The following TCEANC2 variants were observed in gnomAD, a reference collection of about 807,000 sequenced individuals.
TCEANC2 encodes the protein transcription elongation factor A N-terminal and central domain-containing protein 2.
A neutral mutation model predicts 22.8 loss-of-function variants in TCEANC2; 20 were observed. The ratio of observed to expected loss-of-function variants is 0.88; its 90% CI spans 0.62 to 1.28. The LOEUF is 1.28. Among genes scored for constraint, TCEANC2 ranks in the 50% most tolerant of loss-of-function variants. TCEANC2 has a pLI of 0.00. For synonymous variants in TCEANC2, 84 were observed against 95.5 expected (o/e 0.88, Z 0.70); for missense variants, 251 against 249.7 (o/e 1.01, Z -0.03).
At chr1:54,089,473 GGAA>G (rs1658401639) in intron 4 of TCEANC2, among the ~76,000 whole-genome samples, 1 of 152,102 alleles carries the variant, frequency 6.6e-6, no homozygotes, top group Admixed American at 6.5e-5. Flanking sequence ...TATACATGCT[GGAA>G]GAAGGATTTT....
At chr1:54,068,094 A>G (rs1657990901) in intron 2 of TCEANC2, among the ~76,000 whole-genome samples, 1 of 152,238 alleles carries the variant, frequency 6.6e-6, no homozygotes. Flanking sequence ...TACTTAATGG[A>G]AAGATGCATA....
chr1:54,064,234 C>G (rs1274488101), intron 2 of TCEANC2, among the ~76,000 whole-genome samples: 1 of 152,186 alleles, frequency 6.6e-6, no homozygotes, highest in African/African-American at 2.4e-5. Flanking sequence ...AAAACAATCT[C>G]AAAGAGACCT....
At position 54,088,635 on chromosome 1, in the gene TCEANC2, GA is replaced by G. The variant is rs778701024; in HGVS notation, c.285del (p.Val96TrpfsTer36). On this transcript the variant is annotated frameshift_variant, in exon 4 of 5. Transcript: ENST00000234827. LOFTEE classifies it high-confidence loss of function. ...CAAGATGCGTAAACACTCAGATTCA[GA>G]AGTGGCTTCTCTTGCCAGAGAAGTT... ...VNKMRKHSDS[E>X]VASLAREVYT... 5.0e-6 allele frequency: 8 copies of G among 1,605,322 alleles called. No homozygotes were observed. The Admixed American group carries it at 5.2e-5, about 10-fold the overall frequency.
At position 54,096,823 on chromosome 1, in the gene TCEANC2, A is replaced by G. The variant is rs1658566360; in HGVS notation, c.*350A>G. The G allele has an allele frequency of 3.0e-6, 3 of 1,013,190 alleles. No homozygotes were observed. The highest frequency in any genetic ancestry group is 3.5e-6 in the Non-Finnish European group (3 of 847,354). 62.8% of individuals were successfully genotyped at this position (1,013,190 alleles called of 1,614,324 possible). ...CCCATGTCAGTCAGATGAAGTTACT[A>G]CTATATTTCACCACCCTGCAGGTAA... On this transcript the variant is annotated 3_prime_UTR_variant, in exon 5 of 5. Coordinates refer to ENST00000234827, the MANE Select transcript of TCEANC2 (RefSeq NM_153035.3). The surrounding 1 kb of genome is among the most constrained non-coding windows in gnomAD (Gnocchi z 4.9).
intron 3 of TCEANC2, among the ~76,000 whole-genome samples, chr1:54,074,946 C>T (rs1301576240): frequency 6.6e-6 from 1 of 152,126 alleles, no homozygotes; most frequent in East Asian, 1.9e-4. Context: ...AGGATCCTAA[C>T]ATGTTGAATG....
chr1:54,071,169 AT>A (rs1163237441), intron 3 of TCEANC2, among the ~76,000 whole-genome samples: 1 of 152,258 alleles, frequency 6.6e-6, no homozygotes, highest in Non-Finnish European at 1.5e-5. Context: ...TTTGTAAGCC[AT>A]TCAGAACTGT....
chr1:54,082,845 T>C (rs1245186901), intron 3 of TCEANC2, among the ~76,000 whole-genome samples: 1 of 152,158 alleles, frequency 6.6e-6, no homozygotes, highest in African/African-American at 2.4e-5. Flanking sequence ...TTATTAAGCG[T>C]ATGGTATGAT....
chr1:54,075,904 C>T (rs928263554), intron 3 of TCEANC2, among the ~76,000 whole-genome samples: 1 of 151,736 alleles, frequency 6.6e-6, no homozygotes, highest in African/African-American at 2.4e-5. Context: ...GTCCTAGCTA[C>T]TCGGGAGGCT....
rs549321510 is a variant in TCEANC2, at chr1:54,082,191, T to G, written c.245-6406T>G. On this transcript the variant is annotated intron_variant, in intron 3 of 4. Transcript: ENST00000234827. ...TATAATAATGGTATTTAAGTCATTG[T>G]TATAAAAATTAAATGAGATAATTCA... is the stretch of plus-strand genomic sequence containing the variant. 3.3e-5 allele frequency among the ~76,000 whole-genome samples: 5 copies of G among 152,350 alleles called. No individual in the cohort carries two copies. In the East Asian group the frequency reaches 9.6e-4, roughly 29 times the overall value.
At chr1:54,060,562 C>G (rs749055530) in intron 2 of TCEANC2, among the ~76,000 whole-genome samples, 4 of 151,934 alleles carry the variant, frequency 2.6e-5, no homozygotes, top group Admixed American at 1.3e-4. Flanking sequence ...GAGCAAGACC[C>G]TGTCTCAAAA....
At chr1:54,089,220 T>C (rs1419846953) in intron 4 of TCEANC2, among the ~76,000 whole-genome samples, 2 of 152,238 alleles carry the variant, frequency 1.3e-5, no homozygotes, top group Non-Finnish European at 2.9e-5. Flanking sequence ...TTAGAAGTTA[T>C]TTAATGGATG....
rs1658556869 is a variant in TCEANC2, at chr1:54,096,478, A to G, written c.*5A>G. On this transcript the variant is annotated 3_prime_UTR_variant, in exon 5 of 5. Transcript: ENST00000234827. The surrounding 1 kb of genome is among the most constrained non-coding windows in gnomAD (Gnocchi z 4.9). Reference sequence around the variant, plus strand: ...GTACAGACCCACAAAAAGTGACCTGAGGACGGTTCCAGCCCTGGGCCAGGC... The same window carrying G: ...GTACAGACCCACAAAAAGTGACCTGGGGACGGTTCCAGCCCTGGGCCAGGC... The G allele has an allele frequency of 6.3e-7, 1 of 1,592,204 alleles. No individual in the cohort carries two copies. The highest frequency in any genetic ancestry group is 2.3e-5 in the East Asian group (1 of 44,218).
At chr1:54,069,437 G>A (rs1279834805) in intron 3 of TCEANC2, among the ~76,000 whole-genome samples, 2 of 151,908 alleles carry the variant, frequency 1.3e-5, no homozygotes, top group Non-Finnish European at 2.9e-5. Flanking sequence ...GCAAAACCCC[G>A]TCTCTACTAA....
chr1:54,055,236 G>A lies in TCEANC2; in HGVS notation c.102+712G>A, dbSNP rs868838670. 3.5e-4 allele frequency among the ~76,000 whole-genome samples: 53 copies of A among 152,248 alleles called. No homozygotes were observed. In the Middle Eastern group the frequency reaches 0.01, roughly 29 times the overall value. Reference sequence around the variant, plus strand: ...CGCCTCTTGTCTCCCAAAGTGCTGAGATTACAGGCATGAGCCACTGTGCCC... The same window carrying A: ...CGCCTCTTGTCTCCCAAAGTGCTGAAATTACAGGCATGAGCCACTGTGCCC... On this transcript the variant is annotated intron_variant, in intron 2 of 4. Transcript: ENST00000234827.
chr1:54,094,079 A>C (rs1287968055), intron 4 of TCEANC2, among the ~76,000 whole-genome samples: 1 of 152,210 alleles, frequency 6.6e-6, no homozygotes, highest in East Asian at 1.9e-4. Context: ...CACAGCGCCA[A>C]GTCCACTCAC....
intron 3 of TCEANC2, among the ~76,000 whole-genome samples, chr1:54,070,877 A>G (rs1658043860): frequency 6.6e-6 from 1 of 152,240 alleles, no homozygotes; most frequent in Non-Finnish European, 1.5e-5. Context: ...AGTCTAATAG[A>G]AACACAGTTT....
intron 4 of TCEANC2, among the ~76,000 whole-genome samples, chr1:54,089,441 A>C (rs1197150408): frequency 1.3e-5 from 2 of 152,226 alleles, no homozygotes; most frequent in African/African-American, 4.8e-5. Context: ...CTTACAATTC[A>C]GATGATGTTA....
rs895191488 is a variant in TCEANC2, at chr1:54,063,409, G to C, written c.103-5347G>C. Among the ~76,000 whole-genome samples the C allele has an allele frequency of 3.3e-5, 5 of 152,118 alleles. No homozygotes were observed. In the South Asian group the frequency reaches 6.2e-4, roughly 19 times the overall value. On this transcript the variant is annotated intron_variant, in intron 2 of 4. Transcript: ENST00000234827. ...CATCTCTCAGTATCTGTAGGGGATTGGTTCCAGGACCCCCACTACAGGTGC... is the reference window on the plus strand; with the variant it reads ...CATCTCTCAGTATCTGTAGGGGATTCGTTCCAGGACCCCCACTACAGGTGC...
intron 3 of TCEANC2, 42 bp from the exon 4 acceptor site, chr1:54,088,555 G>A: frequency 2.0e-6 from 3 of 1,532,430 alleles, no homozygotes; most frequent in South Asian, 1.2e-5. Flanking sequence ...CTCAGAAGAA[G>A]ATGTAACAAC....
Sources: gnomAD v4.1 joint callset for allele counts (sites outside exome capture counted in the v4.1 genomes callset) on GRCh38, gnomAD v4.1.1 for gene constraint, Gnocchi (gnomAD v3.1) non-coding constraint, MANE v1.5 for transcripts, NCBI Gene and HGNC (gene_info 2026-07-23, HGNC 2026-07-21) for gene names.